ABHD14B: variants seen among roughly 807,000 people sequenced by gnomAD.
ABHD14B encodes abhydrolase domain containing 14B.
ABHD14B carries 19 observed loss-of-function variants against 15.4 expected under a neutral mutation model. The ratio of observed to expected loss-of-function variants is 1.23; its 90% CI spans 0.86 to 1.81. ABHD14B has a LOEUF of 1.81. ABHD14B is among the 40% of genes most tolerant of loss of function. ABHD14B has a pLI of 0.00. For synonymous variants in ABHD14B, 92 were observed against 117.3 expected, an observed-to-expected ratio of 0.78 and a Z score of 1.39; for missense variants, 243 against 267.0, an observed-to-expected ratio of 0.91 and a Z score of 0.63.
At chr3:51,972,531 C>T (rs1387111516) in intron 1 of ABHD14B, among the ~76,000 whole-genome samples, 1 of 152,132 alleles carries the variant, frequency 6.6e-6, no homozygotes, top group Admixed American at 6.5e-5. Flanking sequence ...CGAGAACGCG[C>T]CATTGCACTC....
Position 51,973,812 on chromosome 3 carries a change from G to A in ABHD14B, c.-29+153C>T, listed in dbSNP as rs985970103. Reference sequence around the variant, plus strand: ...GGTCAGGTTGCTTCCGCGGACTACGGTTCTGGCTCGCTAGCTCTGGAAGGG... The same window carrying A: ...GGTCAGGTTGCTTCCGCGGACTACGATTCTGGCTCGCTAGCTCTGGAAGGG... On this transcript the variant is annotated intron_variant, in intron 1 of 3. Coordinates refer to ENST00000361143, the MANE Select transcript of ABHD14B (RefSeq NM_001146314.2). The A allele has an allele frequency of 3.1e-6, 4 of 1,288,470 alleles. No homozygotes were observed. In the African/African-American group the frequency reaches 6.1e-5, roughly 20 times the overall value. The allele number at this position is 1,288,470 out of a possible 1,614,324, so 79.8% of individuals were successfully genotyped here. A position where few individuals can be genotyped will look rare whatever the true frequency, so the allele number is the denominator to read the frequency against.
intron 3 of ABHD14B, 78 bp downstream of exon 3, chr3:51,969,865 C>T: frequency 1.2e-6 from 2 of 1,611,218 alleles, no homozygotes; most frequent in Non-Finnish European, 1.7e-6. Context: ...GATTATCCAG[C>T]CCCCAGATGA....
chr3:51,974,332 C>CTTGA, upstream of ABHD14B: 2 of 327,540 alleles, frequency 6.1e-6, no homozygotes, highest in Non-Finnish European at 1.2e-5. Flanking sequence ...TTATCCCCAG[C>CTTGA]TTGAACTGCC....
At chr3:51,970,468 G>A in intron 2 of ABHD14B, 1 of 612,400 alleles carries the variant, frequency 1.6e-6, no homozygotes, top group South Asian at 1.6e-5. Context: ...ACCCAATTCT[G>A]CATTTATTGT....
rs961152578 is a variant in ABHD14B, at chr3:51,969,264, A to G, written c.*162T>C. 10 of 752,750 alleles carry G rather than the reference A, an allele frequency of 1.3e-5. No individual in the cohort carries two copies. The South Asian group carries it at 2.1e-4, about 16-fold the overall frequency. 46.6% of individuals were successfully genotyped at this position (752,750 alleles called of 1,614,324 possible). ...CCCTCAGTCTATCACTGCAAGAGAA[A>G]GAGGTAGAAAAGACAAACAGACCAC... On this transcript the variant is annotated 3_prime_UTR_variant, in exon 4 of 4. Transcript: ENST00000361143.
At chr3:51,970,292 C>T (rs922672612) in intron 2 of ABHD14B, 108 bp from the exon 3 acceptor site, 36 of 1,448,470 alleles carry the variant, frequency 2.5e-5, no homozygotes, top group Middle Eastern at 5.2e-4. Context: ...TCTCTGTGGC[C>T]AGGTTCCTGT....
intron 2 of ABHD14B, chr3:51,970,632 C>A (rs566295431): frequency 5.7e-5 from 26 of 459,400 alleles, no homozygotes; most frequent in Non-Finnish European, 1.0e-4. Flanking sequence ...ACAAGAGAGG[C>A]TCCTGAAGGA....
Position 51,969,338 on chromosome 3 carries a change from A to G in ABHD14B, c.*88T>C. The G allele has an allele frequency of 1.4e-6, 2 of 1,439,508 alleles. No individual in the cohort carries two copies. Among genetic ancestry groups the G allele is most frequent in the African/African-American group, 1.4e-5 (1 of 70,226 alleles). The allele number at this position is 1,439,508 out of a possible 1,614,324, so 89.2% of individuals were successfully genotyped here. A position where few individuals can be genotyped will look rare whatever the true frequency, so the allele number is the denominator to read the frequency against. The stretch of plus-strand genomic sequence containing the variant: ...AGACAGACGCACCTGTTGCATGTGC[A>G]TGAGCCAGAGCCTGGGAGAGAAGAG... On this transcript the variant is annotated 3_prime_UTR_variant, in exon 4 of 4. Transcript: ENST00000361143.
At chr3:51,971,248 G>A in intron 2 of ABHD14B, 1 of 540,056 alleles carries the variant, frequency 1.9e-6, no homozygotes, top group Non-Finnish European at 3.3e-6. Flanking sequence ...GAGCAGCTGG[G>A]CGGTGAGGAC....
chr3:51,973,734 G>A (rs1345594983), intron 1 of ABHD14B: 2 of 857,920 alleles, frequency 2.3e-6, no homozygotes, highest in African/African-American at 3.5e-5. Context: ...GACCCGCCGG[G>A]GATGCGGGGT....
intron 1 of ABHD14B, among the ~76,000 whole-genome samples, chr3:51,972,955 G>A (rs1022859322): frequency 2.0e-5 from 3 of 152,046 alleles, no homozygotes; most frequent in Non-Finnish European, 4.4e-5. Flanking sequence ...TCGGCTCACT[G>A]CAACCTCCAC....
In ABHD14B at chr3:51,969,326, T is replaced by G. The variant is rs981546207; in HGVS notation, c.*100A>C. On this transcript the variant is annotated 3_prime_UTR_variant, in exon 4 of 4. Coordinates refer to ENST00000361143, the MANE Select transcript of ABHD14B (RefSeq NM_001146314.2). ...ACCCAGACATATAGACAGACGCACC[T>G]GTTGCATGTGCATGAGCCAGAGCCT... The G allele has an allele frequency of 7.5e-7, 1 of 1,337,140 alleles. No individual in the cohort carries two copies. The highest frequency in any genetic ancestry group is 1.5e-5 in the African/African-American group (1 of 68,094). 82.8% of individuals were successfully genotyped at this position (1,337,140 alleles called of 1,614,324 possible).
intron 2 of ABHD14B, 134 bp from the exon 3 acceptor site, chr3:51,970,318 C>T: frequency 1.7e-6 from 2 of 1,187,908 alleles, no homozygotes; most frequent in Non-Finnish European, 2.3e-6. Context: ...CCAGTGTGCC[C>T]ACGTTTATTC....
chr3:51,971,882 A>G, intron 1 of ABHD14B, 184 bp from the exon 2 acceptor site: 2 of 1,221,242 alleles, frequency 1.6e-6, no homozygotes, highest in Non-Finnish European at 2.1e-6. Flanking sequence ...CTGGGGCCTC[A>G]GCTTCTTGAT....
In ABHD14B at chr3:51,969,715, G is replaced by C; in HGVS notation, c.454-110C>G. On this transcript the variant is annotated intron_variant, in intron 3 of 3. Coordinates refer to ENST00000361143, the MANE Select transcript of ABHD14B (RefSeq NM_001146314.2). ...GGGACCACCCCATATGAGGGAGAGA[G>C]ACAAGCTGGCCCAGTGGGTGGGGGC... The C allele has an allele frequency of 2.1e-6, 3 of 1,455,748 alleles. No individual in the cohort carries two copies. In the Admixed American group the frequency reaches 5.7e-5, roughly 27 times the overall value. The allele number at this position is 1,455,748 out of a possible 1,614,324, so 90.2% of individuals were successfully genotyped here. A position where few individuals can be genotyped will look rare whatever the true frequency, so the allele number is the denominator to read the frequency against.
chr3:51,973,831 G>T, intron 1 of ABHD14B, 134 bp downstream of exon 1: 2 of 1,289,526 alleles, frequency 1.6e-6, no homozygotes, highest in South Asian at 2.5e-5. Flanking sequence ...CGCTAGCTCT[G>T]GAAGGGAGCA....
Position 51,969,217 on chromosome 3 carries a change from A to AG in ABHD14B, c.*208dup. 1.9e-6 allele frequency: 1 copy of AG among 514,342 alleles called. No individual in the cohort carries two copies. Among genetic ancestry groups the AG allele is most frequent in the Non-Finnish European group, 3.4e-6 (1 of 297,396 alleles). 31.9% of individuals were successfully genotyped at this position (514,342 alleles called of 1,614,324 possible). On this transcript the variant is annotated 3_prime_UTR_variant, in exon 4 of 4. Coordinates refer to ENST00000361143, the MANE Select transcript of ABHD14B (RefSeq NM_001146314.2). ...AGGATTATGTTCCTTGATTCCTGAG[A>AG]GTTTTTTCTCTTGATTTTACCCCCT... is the stretch of plus-strand genomic sequence containing the variant.
intron 2 of ABHD14B, chr3:51,970,776 C>T (rs537135880): frequency 4.7e-4 from 213 of 456,622 alleles, no homozygotes; most frequent in South Asian, 3.1e-3. Flanking sequence ...GCAGGAGGCT[C>T]GCCCTTGAGC....
chr3:51,970,766 G>A, intron 2 of ABHD14B: 1 of 456,772 alleles, frequency 2.2e-6, no homozygotes, highest in South Asian at 1.5e-5. Flanking sequence ...TCCTGCCTGG[G>A]CAGGAGGCTC....
Sources: gnomAD v4.1 joint callset for allele counts (sites outside exome capture counted in the v4.1 genomes callset) on GRCh38, gnomAD v4.1.1 for gene constraint, MANE v1.5 for transcripts, NCBI Gene and HGNC (gene_info 2026-07-23, HGNC 2026-07-21) for gene names.